The following CDK6 variants were observed in gnomAD, a reference collection of about 807,000 sequenced individuals.
The protein encoded by CDK6 is cyclin-dependent kinase 6.
CDK6 carries 6 observed loss-of-function variants against 37.1 expected under a neutral mutation model. The observed-to-expected ratio is 0.16, with a 90% CI of 0.09 to 0.32. The LOEUF (loss-of-function observed/expected upper bound fraction) is 0.32, where lower values mean the gene tolerates loss of function less well. Ranked by LOEUF, CDK6 falls within the 10% of genes least tolerant of loss-of-function variation. The pLI, the probability that CDK6 is intolerant of heterozygous loss-of-function variation, is 1.00. For missense variants in CDK6, 224 were observed against 418.9 expected, an observed-to-expected ratio of 0.53 and a Z score of 4.06; for synonymous variants, 160 against 161.3, an observed-to-expected ratio of 0.99 and a Z score of 0.06.
intron 4 of CDK6, among the ~76,000 whole-genome samples, chr7:92,703,010 C>A (rs1562940700): frequency 6.6e-6 from 1 of 152,180 alleles, no homozygotes; most frequent in Non-Finnish European, 1.5e-5. Context: ...CTCCAGGCAT[C>A]GATGAGTGTC....
At chr7:92,795,993 T>A (rs1367924517) in intron 2 of CDK6, among the ~76,000 whole-genome samples, 1 of 150,716 alleles carries the variant, frequency 6.6e-6, no homozygotes, top group Non-Finnish European at 1.5e-5. Context: ...CTCTGAAGAA[T>A]ATCCACTGAA....
chr7:92,686,930 C>T (rs13437843), intron 4 of CDK6, among the ~76,000 whole-genome samples: 17,396 of 151,972 alleles, frequency 0.11, 2,114 homozygotes, highest in East Asian at 0.33. Flanking sequence ...CTTTGGAGAA[C>T]TGTCTATTCA....
rs1214720469 is a variant in CDK6, at chr7:92,612,899, C to T, written c.*2241G>A. ...AGTTTTTAAATTCAATTTGTAGGCC[C>T]TAGCAAAAATGTCTTTGTATTTTGA... On this transcript the variant is annotated 3_prime_UTR_variant, in exon 8 of 8. Coordinates refer to ENST00000424848, the MANE Select transcript of CDK6 (RefSeq NM_001145306.2). 4.3e-6 allele frequency: 1 copy of T among 232,932 alleles called. No homozygotes were observed. The highest frequency in any genetic ancestry group is 6.0e-5 in the East Asian group (1 of 16,532). 14.4% of individuals were successfully genotyped at this position (232,932 alleles called of 1,614,324 possible).
chr7:92,784,042 T>C (rs1800061881), intron 2 of CDK6, among the ~76,000 whole-genome samples: 1 of 152,074 alleles, frequency 6.6e-6, no homozygotes, highest in Non-Finnish European at 1.5e-5. Flanking sequence ...AGTAAGGCTG[T>C]AGCATCACTC....
At position 92,671,494 on chromosome 7, in the gene CDK6, C is replaced by A; in HGVS notation, c.579G>T (p.Gln193His). Residue 193 changes from glutamine (Q) to histidine (H), a missense_variant, in exon 5 of 8, where the codon CAG becomes CAT. Gln to His is a conservative substitution (Grantham distance 24). Transcript: ENST00000424848. The part of the protein sequence containing the change: ...LWYRAPEVLL[Q>H]SSYATPVDLW... Reference sequence around the variant, plus strand: ...GATCCACGGGGGTGGCGTAGCTGGACTGGAGCAAGACTTCGGGTGCTCTGT... The same window carrying A: ...GATCCACGGGGGTGGCGTAGCTGGAATGGAGCAAGACTTCGGGTGCTCTGT... 4.4e-6 allele frequency: 7 copies of A among 1,583,530 alleles called. No individual in the cohort carries two copies. The highest frequency in any genetic ancestry group is 6.0e-6 in the Non-Finnish European group (7 of 1,164,824).
chr7:92,813,878 T>A (rs1280835183), intron 2 of CDK6, among the ~76,000 whole-genome samples: 1 of 152,118 alleles, frequency 6.6e-6, no homozygotes, highest in African/African-American at 2.4e-5. Context: ...GGCTGAGACT[T>A]CATAGGAAAA....
At chr7:92,703,266 T>C (rs933850868) in intron 4 of CDK6, among the ~76,000 whole-genome samples, 2 of 152,036 alleles carry the variant, frequency 1.3e-5, no homozygotes, top group African/African-American at 4.8e-5. Flanking sequence ...ACCATATTGC[T>C]AGAGCCTCTC....
intron 6 of CDK6, among the ~76,000 whole-genome samples, chr7:92,621,956 A>G (rs1795813656): frequency 6.6e-6 from 1 of 151,836 alleles, no homozygotes; most frequent in Non-Finnish European, 1.5e-5. Context: ...TGTTTTAAGC[A>G]GTCACGCTTG....
chr7:92,726,719 C>G (rs1562948414), intron 3 of CDK6, among the ~76,000 whole-genome samples: 1 of 152,202 alleles, frequency 6.6e-6, no homozygotes, highest in Non-Finnish European at 1.5e-5. Context: ...TCTTAATCAA[C>G]TGTTTTAGAA....
chr7:92,801,961 C>A (rs534481209), intron 2 of CDK6, among the ~76,000 whole-genome samples: 7 of 146,676 alleles, frequency 4.8e-5, no homozygotes, highest in South Asian at 2.3e-4. Context: ...TCCCCTCCCC[C>A]CCGTTCTCTC....
At chr7:92,798,766 T>G (rs1052273055) in intron 2 of CDK6, among the ~76,000 whole-genome samples, 2 of 152,142 alleles carry the variant, frequency 1.3e-5, no homozygotes, top group African/African-American at 4.8e-5. Flanking sequence ...TCTCCTGCCC[T>G]CTCTTCCTAA....
In CDK6 at chr7:92,608,522, T is replaced by G. The variant is rs1795483839; in HGVS notation, c.*6618A>C. On this transcript the variant is annotated 3_prime_UTR_variant, in exon 8 of 8. Transcript: ENST00000424848. ...GGAAAATAAAAAAATAAAAAAAAAT[T>G]CCTGCAATTATACATCTTTTCTTTA... The G allele has an allele frequency of 4.3e-6, 1 of 231,348 alleles. No homozygotes were observed. The highest frequency in any genetic ancestry group is 1.8e-4 in the South Asian group (1 of 5,490). The allele number at this position is 231,348 out of a possible 1,614,324, so 14.3% of individuals were successfully genotyped here. A position where few individuals can be genotyped will look rare whatever the true frequency, so the allele number is the denominator to read the frequency against.
At chr7:92,684,344 T>C (rs2116629052) in intron 4 of CDK6, among the ~76,000 whole-genome samples, 1 of 152,314 alleles carries the variant, frequency 6.6e-6, no homozygotes, top group Admixed American at 6.5e-5. Context: ...GTAATGCAGT[T>C]TACCAGAAAA....
At chr7:92,632,933 CT>C (rs397889657) in intron 5 of CDK6, among the ~76,000 whole-genome samples, 11,906 of 108,758 alleles carry the variant, frequency 0.11, 610 homozygotes, top group African/African-American at 0.22. Flanking sequence ...CTCTAAAGAT[CT>C]TTTTTTTTTT....
intron 6 of CDK6, among the ~76,000 whole-genome samples, chr7:92,620,921 A>T (rs996502616): frequency 8.6e-5 from 13 of 150,892 alleles, no homozygotes; most frequent in African/African-American, 3.1e-4. Flanking sequence ...AGAAAAAAAT[A>T]AAAAAGAGTA....
At chr7:92,808,426 T>TA (rs1299426415) in intron 2 of CDK6, among the ~76,000 whole-genome samples, 2 of 152,226 alleles carry the variant, frequency 1.3e-5, no homozygotes, top group Non-Finnish European at 2.9e-5. Flanking sequence ...GTCGGCCAAA[T>TA]AGTTTGGTAG....
At chr7:92,773,918 G>T (rs990642858) in intron 3 of CDK6, among the ~76,000 whole-genome samples, 2 of 152,148 alleles carry the variant, frequency 1.3e-5, no homozygotes, top group African/African-American at 2.4e-5. Flanking sequence ...GTCTGTTTAA[G>T]CTACCTAATT....
chr7:92,788,105 T>G (rs2115843402), intron 2 of CDK6, among the ~76,000 whole-genome samples: 1 of 152,262 alleles, frequency 6.6e-6, no homozygotes, highest in Non-Finnish European at 1.5e-5. Flanking sequence ...ACTTCTAAAC[T>G]TAAGGATCTA....
chr7:92,699,509 C>T (rs1467255517), intron 4 of CDK6, among the ~76,000 whole-genome samples: 1 of 152,214 alleles, frequency 6.6e-6, no homozygotes, highest in Non-Finnish European at 1.5e-5. Flanking sequence ...ATCATTTTTA[C>T]TTATTTCATG....
Sources: gnomAD v4.1 joint callset for allele counts (sites outside exome capture counted in the v4.1 genomes callset) on GRCh38, gnomAD v4.1.1 for gene constraint, MANE v1.5 for transcripts, NCBI Gene and HGNC (gene_info 2026-07-23, HGNC 2026-07-21) for gene names.